Variants in GPR143 observed in about 807,000 individuals in gnomAD.
GPR143 encodes the protein G-protein coupled receptor 143.
GPR143 carries 8 observed loss-of-function variants against 27.6 expected under a neutral mutation model. The ratio of observed to expected loss-of-function variants is 0.29; its 90% CI spans 0.17 to 0.52. GPR143 has a LOEUF of 0.52. GPR143 is among the 20% of genes least tolerant of loss of function. The probability of loss-of-function intolerance (pLI) is 0.96; values close to 1 mark genes in which losing one functional copy is unlikely to be tolerated. For missense variants in GPR143, 303 were observed against 343.1 expected (o/e 0.88, Z 0.92); for synonymous variants, 156 against 153.2 (o/e 1.02, Z -0.13).
chrX:9,749,936 T>C, intron 3 of GPR143, among the ~76,000 whole-genome samples: 1 of 111,682 alleles, frequency 9.0e-6, no homozygotes, highest in Non-Finnish European at 1.9e-5. Context: ...AGCTATTTCT[T>C]TGTATTTTTT....
At chrX:9,775,848 A>C (rs2083569389) in intron 1 of GPR143, among the ~76,000 whole-genome samples, 1 of 112,193 alleles carries the variant, frequency 8.9e-6, no homozygotes, top group Non-Finnish European at 1.9e-5. Context: ...GGCTGGGGTG[A>C]TGAGGACAGA....
At chrX:9,756,113 T>C (rs986844329) in intron 3 of GPR143, among the ~76,000 whole-genome samples, 1 of 112,342 alleles carries the variant, frequency 8.9e-6, no homozygotes, top group Non-Finnish European at 1.9e-5. Context: ...GATTACCCAA[T>C]ATATTCTATA....
chrX:9,759,594 G>A (rs768289150), intron 2 of GPR143, among the ~76,000 whole-genome samples, 168 bp from the exon 3 acceptor site: 14 of 111,686 alleles, frequency 1.3e-4, no homozygotes, highest in African/African-American at 3.6e-4. Context: ...GGAGGGTGTG[G>A]CCTGGGATAG....
intron 1 of GPR143, among the ~76,000 whole-genome samples, chrX:9,778,349 G>A (rs1336741272): frequency 1.8e-5 from 2 of 111,475 alleles, no homozygotes; most frequent in African/African-American, 3.3e-5. Flanking sequence ...CACAGCTATG[G>A]CCAAGAACAC....
intron 8 of GPR143, among the ~76,000 whole-genome samples, chrX:9,737,236 T>C (rs934012112): frequency 6.4e-4 from 72 of 111,982 alleles, no homozygotes; most frequent in African/African-American, 2.2e-3. Context: ...GGTGGAAAGA[T>C]AGCTTGAGCC....
At chrX:9,774,364 G>C (rs927565920) in intron 1 of GPR143, among the ~76,000 whole-genome samples, 1 of 112,029 alleles carries the variant, frequency 8.9e-6, no homozygotes, top group Admixed American at 9.5e-5. Flanking sequence ...AACAAGGCCG[G>C]TTGGTTCCTC....
intron 7 of GPR143, 56 bp from the exon 8 acceptor site, chrX:9,739,775 G>A: frequency 1.2e-6 from 1 of 808,300 alleles, no homozygotes; most frequent in Non-Finnish European, 1.8e-6. Flanking sequence ...AGAAGTCAGA[G>A]CCCTGGGCTG....
intron 7 of GPR143, 189 bp downstream of exon 7, chrX:9,741,149 A>AGGCATAC (rs2083402049): frequency 8.4e-6 from 3 of 359,207 alleles, no homozygotes; most frequent in Middle Eastern, 1.6e-3. Context: ...CCCAGGGTGG[A>AGGCATAC]GGCATACACC....
intron 3 of GPR143, among the ~76,000 whole-genome samples, chrX:9,758,827 G>A (rs2083483590): frequency 9.0e-6 from 1 of 111,368 alleles, no homozygotes; most frequent in African/African-American, 3.3e-5. Context: ...GGTTGAGGCT[G>A]CAGTGAACCA....
intron 5 of GPR143, 99 bp downstream of exon 5, chrX:9,745,944 TG>T: frequency 3.5e-6 from 2 of 574,576 alleles, no homozygotes; most frequent in Non-Finnish European, 6.3e-6. Context: ...TGAGGTCAAC[TG>T]TCCTGGAGAA....
At chrX:9,731,804 G>C (rs927643109) in intron 8 of GPR143, among the ~76,000 whole-genome samples, 4 of 99,565 alleles carry the variant, frequency 4.0e-5, no homozygotes, top group South Asian at 6.3e-4. Flanking sequence ...AATTGGGGGG[G>C]GGGGGAAGGA....
chrX:9,755,295 G>A (rs139443348), intron 3 of GPR143, among the ~76,000 whole-genome samples: 6,445 of 111,237 alleles, frequency 0.058, 169 homozygotes, highest in Middle Eastern at 0.083. Context: ...GCAGGCACCT[G>A]TAATCCCAGC....
At chrX:9,765,445 A>G in intron 1 of GPR143, 123 bp downstream of exon 1, 3 of 675,897 alleles carry the variant, frequency 4.4e-6, no homozygotes, top group Non-Finnish European at 5.8e-6. Context: ...CCATCACGGA[A>G]CAGGTCCAAA....
In GPR143 at chrX:9,741,333, C is replaced by T; in HGVS notation, c.885+5G>A. On this transcript the variant is annotated splice_donor_5th_base_variant and intron_variant, in intron 7 of 8. Coordinates refer to ENST00000467482, the MANE Select transcript of GPR143 (RefSeq NM_000273.3). ...CTAATTAAAATAAAATATAGATTGA[C>T]CTACCATAATAAACCATGTGGTCTT... 1 of 747,925 alleles carries T rather than the reference C, an allele frequency of 1.3e-6. No homozygotes were observed. The highest frequency in any genetic ancestry group is 2.3e-5 in the South Asian group (1 of 43,898). 61.6% of individuals were successfully genotyped at this position (747,925 alleles called of 1,213,427 possible).
chrX:9,725,596 T>G lies in GPR143; in HGVS notation c.*150A>C, dbSNP rs1438905227. 6 of 476,898 alleles carry G rather than the reference T, an allele frequency of 1.3e-5. No individual in the cohort carries two copies. In the East Asian group the frequency reaches 2.3e-4, roughly 18 times the overall value. The allele number at this position is 476,898 out of a possible 1,213,427, so 39.3% of individuals were successfully genotyped here. On this transcript the variant is annotated 3_prime_UTR_variant, in exon 9 of 9. Transcript: ENST00000467482. Reference sequence around the variant, plus strand: ...CCCTTTCTCCTATCCTAAAGGCCCTTCGGGAAGAAGCTCTAGCTGGTGATG... The same window carrying G: ...CCCTTTCTCCTATCCTAAAGGCCCTGCGGGAAGAAGCTCTAGCTGGTGATG...
chrX:9,767,733 ACAGT>A (rs1250462621), upstream of GPR143, among the ~76,000 whole-genome samples: 1 of 112,501 alleles, frequency 8.9e-6, no homozygotes, highest in Non-Finnish European at 1.9e-5. Flanking sequence ...CATTGTAAAA[ACAGT>A]CAGAAGCACC....
At chrX:9,767,495 G>C (rs2146707333), upstream of GPR143, among the ~76,000 whole-genome samples, 1 of 111,619 alleles carries the variant, frequency 9.0e-6, no homozygotes, top group African/African-American at 3.3e-5. Context: ...AGGGATAGCA[G>C]GACTGGCCTT....
intron 2 of GPR143, among the ~76,000 whole-genome samples, chrX:9,760,173 C>A (rs2083490062): frequency 9.0e-6 from 1 of 111,658 alleles, no homozygotes; most frequent in South Asian, 3.8e-4. Flanking sequence ...CTCACTGCAA[C>A]CTCCGCCTCC....
rs1036209529 is a variant in GPR143, at chrX:9,765,751, T to G, written c.67A>C (p.Ser23Arg). Residue 23 changes from serine to arginine, a missense_variant, in exon 1 of 9, where the codon AGC (serine) becomes CGC (arginine). Transcript: ENST00000467482. ...GCGTGGAAGGCCCGCGGCTGGAAGC[T>G]CAGCACGAGCTGCGTGGCTGCGTCC... Reference protein sequence around the residue: ...TRDAATQLVLSFQPRAFHALC... With the variant: ...TRDAATQLVLRFQPRAFHALC... 1.8e-6 allele frequency: 2 copies of G among 1,123,861 alleles called. No homozygotes were observed. The highest frequency in any genetic ancestry group is 3.8e-5 in the African/African-American group (2 of 52,961). The allele number at this position is 1,123,861 out of a possible 1,213,427, so 92.6% of individuals were successfully genotyped here.
Sources: allele counts gnomAD v4.1 joint callset (sites outside exome capture counted in the v4.1 genomes callset), GRCh38; gene constraint gnomAD v4.1.1; transcripts MANE v1.5; gene names NCBI Gene and HGNC (gene_info 2026-07-23, HGNC 2026-07-21).